CLPB: variants seen among roughly 807,000 people sequenced by gnomAD.
The protein encoded by CLPB is ClpB family mitochondrial disaggregase.
Under a neutral mutation model 78.4 loss-of-function variants are expected in CLPB, and 40 were observed. The observed-to-expected ratio is 0.51, with a 90% CI of 0.40 to 0.66. The LOEUF is 0.66. Among genes scored for constraint, CLPB ranks in the 30% least tolerant of loss-of-function variants. The pLI is 0.00. For synonymous variants in CLPB, 333 were observed against 348.0 expected (o/e 0.96, Z 0.48); for missense variants, 780 against 886.9 (o/e 0.88, Z 1.53).
At chr11:72,430,089 T>G (rs1856500949) in intron 2 of CLPB, among the ~76,000 whole-genome samples, 1 of 152,104 alleles carries the variant, frequency 6.6e-6, no homozygotes, top group African/African-American at 2.4e-5. Context: ...ACAAAATAGC[T>G]GAAGGATCCA....
intron 5 of CLPB, among the ~76,000 whole-genome samples, chr11:72,345,444 T>C (rs1458697397): frequency 6.6e-6 from 1 of 152,214 alleles, no homozygotes; most frequent in East Asian, 1.9e-4. Flanking sequence ...ACCTTTTGTG[T>C]AGGCAGAAAA....
intron 1 of CLPB, among the ~76,000 whole-genome samples, chr11:72,433,846 A>G (rs1856620786): frequency 6.6e-6 from 1 of 152,108 alleles, no homozygotes; most frequent in Non-Finnish European, 1.5e-5. Flanking sequence ...GATGGATAAA[A>G]TGATGCCCAG....
At chr11:72,311,080 A>C (rs1422124267) in intron 7 of CLPB, 6 of 152,170 alleles carry the variant, frequency 3.9e-5, no homozygotes, top group Non-Finnish European at 7.3e-5. Context: ...GCCAACCATT[A>C]AGCAATTCCA....
intron 4 of CLPB, chr11:72,372,935 G>C (rs1454480337): frequency 6.2e-7 from 1 of 1,613,866 alleles, no homozygotes; most frequent in Non-Finnish European, 8.5e-7. Context: ...CGCCAGCGGG[G>C]AGTCCTAGCC....
chr11:72,296,055 A>G (rs890340745), intron 11 of CLPB, among the ~76,000 whole-genome samples: 1 of 152,208 alleles, frequency 6.6e-6, no homozygotes, highest in African/African-American at 2.4e-5. Context: ...TGCTCCCAGT[A>G]TAGAGAAGCA....
chr11:72,345,140 C>T (rs536413979), intron 5 of CLPB, among the ~76,000 whole-genome samples: 42 of 152,222 alleles, frequency 2.8e-4, no homozygotes, highest in African/African-American at 8.7e-4. Flanking sequence ...AACCAGAGGA[C>T]GTATGCATTT....
At chr11:72,395,998 G>A (rs990407885) in intron 3 of CLPB, among the ~76,000 whole-genome samples, 1 of 152,174 alleles carries the variant, frequency 6.6e-6, no homozygotes, top group Non-Finnish European at 1.5e-5. Context: ...TAGGCTATCG[G>A]TTTTTTAAAG....
In CLPB at chr11:72,287,089, A is replaced by G. The variant is rs1214938384; in HGVS notation, c.*6278T>C. 1 of 152,004 alleles carries G rather than the reference A, an allele frequency of 6.6e-6. No individual in the cohort carries two copies. The highest frequency in any genetic ancestry group is 6.6e-5 in the Admixed American group (1 of 15,262). 9.4% of individuals were successfully genotyped at this position (152,004 alleles called of 1,614,324 possible). On this transcript the variant is annotated 3_prime_UTR_variant, in exon 16 of 16. Coordinates refer to ENST00000538039, the MANE Select transcript of CLPB (RefSeq NM_001258392.3). ...TAATCAGAGTGTGCAATTCAACTTGATTTTATTTGGGATTTTTGCATCTAT... is the reference window on the plus strand; with the variant it reads ...TAATCAGAGTGTGCAATTCAACTTGGTTTTATTTGGGATTTTTGCATCTAT...
At chr11:72,390,119 G>A (rs1590884394) in intron 3 of CLPB, among the ~76,000 whole-genome samples, 1 of 152,206 alleles carries the variant, frequency 6.6e-6, no homozygotes, top group Non-Finnish European at 1.5e-5. Flanking sequence ...CCCCAGATCA[G>A]GCTTTGATAG....
At position 72,301,961 on chromosome 11, in the gene CLPB, C is replaced by T. The variant is rs1949663885; in HGVS notation, c.1171G>A (p.Ala391Thr). 8 of 1,613,334 alleles carry T rather than the reference C, an allele frequency of 5.0e-6. No homozygotes were observed. Among genetic ancestry groups the T allele is most frequent in the Non-Finnish European group, 5.9e-6 (7 of 1,179,684 alleles). Reference protein sequence around the residue: ...MSEFQERHEVAKFIGSPPGYV... With the variant: ...MSEFQERHEVTKFIGSPPGYV... ...CCTGGTGGAGACCCAATAAACTTGG[C>T]CACCTGGTAGAAGGAAGGAAACATG... The change falls in exon 11 of 16, where the codon GCC becomes ACC. Residue 391 changes from alanine (A) to threonine (T), a missense_variant. This residue lies in a region of CLPB where 91 missense variants were observed against 168.2 expected (regional missense o/e 0.54). Coordinates refer to ENST00000538039, the MANE Select transcript of CLPB (RefSeq NM_001258392.3).
intron 5 of CLPB, 124 bp from the exon 6 acceptor site, chr11:72,329,928 T>C: frequency 1.5e-6 from 1 of 653,984 alleles, no homozygotes; most frequent in Non-Finnish European, 2.7e-6. Flanking sequence ...CTACAAATGG[T>C]GGAAAAACAT....
At chr11:72,432,755 TGA>T (rs768837114) in intron 1 of CLPB, among the ~76,000 whole-genome samples, 2 of 152,172 alleles carry the variant, frequency 1.3e-5, no homozygotes, top group Non-Finnish European at 2.9e-5. Flanking sequence ...AAATTCACAA[TGA>T]GAGTTAGACA....
chr11:72,392,933 GA>G (rs2135051815), intron 3 of CLPB, among the ~76,000 whole-genome samples: 1 of 152,242 alleles, frequency 6.6e-6, no homozygotes, highest in South Asian at 2.1e-4. Context: ...ATAGTACCAG[GA>G]ACAGTGATAT....
chr11:72,383,292 A>G (rs530906863), intron 3 of CLPB, among the ~76,000 whole-genome samples: 6 of 152,052 alleles, frequency 3.9e-5, no homozygotes, highest in Admixed American at 1.3e-4. Flanking sequence ...TGGGAGGCTG[A>G]GGGGGGCGGA....
chr11:72,406,314 C>A (rs895198653), intron 2 of CLPB, among the ~76,000 whole-genome samples: 1 of 152,128 alleles, frequency 6.6e-6, no homozygotes, highest in Non-Finnish European at 1.5e-5. Context: ...GTGGAAGCAG[C>A]GTTGCTCTAG....
Position 72,426,405 on chromosome 11 carries a change from G to A in CLPB, c.455+3907C>T, listed in dbSNP as rs74402571. ...CGGGTGAGCAGTTCCTCAGGCTCAA[G>A]TTTGGGGTAAGCCCAGGAGCAGGAC... On this transcript the variant is annotated intron_variant, in intron 2 of 15. Coordinates refer to ENST00000538039, the MANE Select transcript of CLPB (RefSeq NM_001258392.3). Among the ~76,000 whole-genome samples the A allele has an allele frequency of 8.9e-3, 1,359 of 152,326 alleles. 18 individuals carry two copies. Among genetic ancestry groups the A allele is most frequent in the African/African-American group, 0.031 (1,285 of 41,578 alleles).
chr11:72,424,633 C>T (rs1486592017), intron 2 of CLPB, among the ~76,000 whole-genome samples: 4 of 151,722 alleles, frequency 2.6e-5, no homozygotes, highest in Admixed American at 1.3e-4. Flanking sequence ...TGGTGGCTCA[C>T]GCCTGTAATC....
intron 2 of CLPB, among the ~76,000 whole-genome samples, chr11:72,421,050 T>TC (rs1264203351): frequency 1.1e-4 from 16 of 152,214 alleles, no homozygotes; most frequent in Non-Finnish European, 1.5e-5. Context: ...TCCCAGCTAC[T>TC]CAGGACATGG....
intron 2 of CLPB, among the ~76,000 whole-genome samples, chr11:72,403,618 T>C (rs1323695343): frequency 6.6e-6 from 1 of 152,138 alleles, no homozygotes; most frequent in Admixed American, 6.5e-5. Flanking sequence ...AAAATGATCA[T>C]ATTCCTCAAG....
Sources: gnomAD v4.1 joint callset for allele counts (sites outside exome capture counted in the v4.1 genomes callset) on GRCh38, gnomAD v4.1.1 for gene constraint, gnomAD v4.1.1 regional missense constraint, MANE v1.5 for transcripts, NCBI Gene and HGNC (gene_info 2026-07-23, HGNC 2026-07-21) for gene names.